GPR176: variants seen among roughly 807,000 people sequenced by gnomAD.
GPR176 encodes the protein G-protein coupled receptor 176.
Under a neutral mutation model 35.4 loss-of-function variants are expected in GPR176, and 26 were observed. That is an observed-to-expected ratio of 0.74 (90% CI 0.54 to 1.02). The LOEUF (loss-of-function observed/expected upper bound fraction) is 1.02, where lower values mean the gene tolerates loss of function less well. Among genes scored for constraint, GPR176 ranks in the 50% least tolerant of loss-of-function variants. The pLI is 0.00. For missense variants in GPR176, 597 were observed against 665.3 expected, an observed-to-expected ratio of 0.90 and a Z score of 1.13; for synonymous variants, 278 against 271.3, an observed-to-expected ratio of 1.02 and a Z score of -0.24.
intron 1 of GPR176, among the ~76,000 whole-genome samples, chr15:39,852,249 C>G (rs1258748294): frequency 6.6e-6 from 1 of 152,082 alleles, no homozygotes; most frequent in Non-Finnish European, 1.5e-5. Context: ...CACTACCACT[C>G]CCTCTATCTC....
chr15:39,832,388 G>T (rs568824178), intron 1 of GPR176, among the ~76,000 whole-genome samples: 1 of 151,916 alleles, frequency 6.6e-6, no homozygotes, highest in Non-Finnish European at 1.5e-5. Context: ...ACAAATTACC[G>T]CAAACTTGCT....
chr15:39,817,563 TACTA>T (rs773262043), intron 1 of GPR176, among the ~76,000 whole-genome samples: 7 of 152,316 alleles, frequency 4.6e-5, no homozygotes, highest in East Asian at 1.9e-4. Context: ...CCCGCACACC[TACTA>T]ACTAACGTTG....
chr15:39,914,708 G>A (rs1197677773), intron 1 of GPR176, among the ~76,000 whole-genome samples: 2 of 152,070 alleles, frequency 1.3e-5, no homozygotes, highest in Non-Finnish European at 2.9e-5. Flanking sequence ...TATTATTATT[G>A]GCTGTAAGTA....
intron 1 of GPR176, among the ~76,000 whole-genome samples, chr15:39,844,380 T>C (rs1422390109): frequency 6.6e-6 from 1 of 152,006 alleles, no homozygotes; most frequent in Non-Finnish European, 1.5e-5. Flanking sequence ...CTGTAAAATA[T>C]GTATTTATCC....
At chr15:39,913,969 C>T (rs1375615750) in intron 1 of GPR176, among the ~76,000 whole-genome samples, 2 of 152,120 alleles carry the variant, frequency 1.3e-5, no homozygotes, top group Non-Finnish European at 2.9e-5. Flanking sequence ...TGGCGTGAAC[C>T]TGGGAGGCGG....
At chr15:39,908,810 C>T (rs191080366) in intron 1 of GPR176, among the ~76,000 whole-genome samples, 4 of 152,204 alleles carry the variant, frequency 2.6e-5, no homozygotes, top group East Asian at 3.9e-4. Flanking sequence ...ATATCAAGGA[C>T]GTTGATTGAT....
At chr15:39,847,559 C>G (rs964500163) in intron 1 of GPR176, among the ~76,000 whole-genome samples, 1 of 151,906 alleles carries the variant, frequency 6.6e-6, no homozygotes, top group African/African-American at 2.4e-5. Flanking sequence ...GCCTGGCTAA[C>G]ATGGTGAAAC....
At chr15:39,878,505 A>C (rs2032348395) in intron 1 of GPR176, among the ~76,000 whole-genome samples, 1 of 146,444 alleles carries the variant, frequency 6.8e-6, no homozygotes, top group Admixed American at 6.9e-5. Flanking sequence ...TGTGTATCAC[A>C]TTTTTTTATC....
chr15:39,829,560 A>G (rs1426852414), intron 1 of GPR176, among the ~76,000 whole-genome samples: 1 of 140,310 alleles, frequency 7.1e-6, no homozygotes, highest in East Asian at 2.1e-4. Context: ...CCATATCTAT[A>G]TGATCTAATT....
intron 1 of GPR176, among the ~76,000 whole-genome samples, chr15:39,874,169 T>A (rs2032154832): frequency 6.6e-6 from 1 of 152,192 alleles, no homozygotes; most frequent in African/African-American, 2.4e-5. Flanking sequence ...ATCCTCCTCT[T>A]CTTTTCATTG....
chr15:39,870,682 C>G (rs536031476), intron 1 of GPR176, among the ~76,000 whole-genome samples: 2 of 151,926 alleles, frequency 1.3e-5, no homozygotes, highest in Non-Finnish European at 1.5e-5. Flanking sequence ...GTGGGACCTG[C>G]GAGTATGATG....
chr15:39,906,675 C>T (rs555436338), intron 1 of GPR176, among the ~76,000 whole-genome samples: 4 of 152,306 alleles, frequency 2.6e-5, no homozygotes, highest in African/African-American at 7.2e-5. Flanking sequence ...GTTGTCCCTC[C>T]GGATATCTGG....
At chr15:39,804,308 T>C (rs1899061905) in intron 2 of GPR176, among the ~76,000 whole-genome samples, 1 of 152,228 alleles carries the variant, frequency 6.6e-6, no homozygotes, top group African/African-American at 2.4e-5. Flanking sequence ...ATGAAGGAAG[T>C]GAGAGAAAAG....
At chr15:39,829,773 T>C (rs1191374073) in intron 1 of GPR176, among the ~76,000 whole-genome samples, 1 of 152,114 alleles carries the variant, frequency 6.6e-6, no homozygotes, top group African/African-American at 2.4e-5. Context: ...AGGAAGCCTG[T>C]CCCAAACAGG....
At chr15:39,918,058 A>AAG (rs1342855642) in intron 1 of GPR176, among the ~76,000 whole-genome samples, 4 of 151,340 alleles carry the variant, frequency 2.6e-5, no homozygotes, top group African/African-American at 9.7e-5. Context: ...AAAAAAAAAA[A>AAG]AAAAAAGACT....
At chr15:39,805,423 T>A (rs1595432019) in intron 2 of GPR176, among the ~76,000 whole-genome samples, 1 of 151,856 alleles carries the variant, frequency 6.6e-6, no homozygotes, top group African/African-American at 2.4e-5. Context: ...AAAAAAAAAA[T>A]AATTGCCAAC....
At chr15:39,909,420 C>G (rs1461814370) in intron 1 of GPR176, among the ~76,000 whole-genome samples, 2 of 152,202 alleles carry the variant, frequency 1.3e-5, no homozygotes, top group East Asian at 3.8e-4. Flanking sequence ...GGTTCCCAGA[C>G]CCTCTCATAA....
chr15:39,827,917 T>C (rs556420582), intron 1 of GPR176, among the ~76,000 whole-genome samples: 57 of 152,318 alleles, frequency 3.7e-4, no homozygotes, highest in African/African-American at 1.3e-3. Flanking sequence ...TGTCCATCAT[T>C]AGGATAAATT....
intron 1 of GPR176, among the ~76,000 whole-genome samples, chr15:39,830,324 T>C (rs150129587): frequency 2.2e-4 from 33 of 152,032 alleles, no homozygotes; most frequent in African/African-American, 7.5e-4. Flanking sequence ...TCTCAAGGAG[T>C]TGACAAACGA....
Sources: gnomAD v4.1 joint callset for allele counts (sites outside exome capture counted in the v4.1 genomes callset) on GRCh38, gnomAD v4.1.1 for gene constraint, MANE v1.5 for transcripts, NCBI Gene and HGNC (gene_info 2026-07-23, HGNC 2026-07-21) for gene names.